Variants in CTNND2 observed in about 807,000 individuals in gnomAD.
CTNND2 encodes catenin delta-2.
CTNND2 carries 22 observed loss-of-function variants against 144.4 expected under a neutral mutation model. The ratio of observed to expected loss-of-function variants is 0.15; its 90% CI spans 0.11 to 0.22. The LOEUF (loss-of-function observed/expected upper bound fraction) is 0.22, where lower values mean the gene tolerates loss of function less well. CTNND2 is among the 10% of genes least tolerant of loss of function. CTNND2 has a pLI of 1.00. For synonymous variants in CTNND2, 751 were observed against 695.6 expected (o/e 1.08, Z -1.25); for missense variants, 1,353 against 1,618.8 (o/e 0.84, Z 2.82).
intron 9 of CTNND2, among the ~76,000 whole-genome samples, chr5:11,250,042 C>A (rs1339559396): frequency 2.0e-5 from 3 of 152,164 alleles, no homozygotes; most frequent in Non-Finnish European, 4.4e-5. Flanking sequence ...TAGGGATTTT[C>A]TTTGATCATA....
intron 10 of CTNND2, among the ~76,000 whole-genome samples, chr5:11,214,815 T>C (rs915790619): frequency 7.2e-5 from 11 of 152,192 alleles, no homozygotes; most frequent in Non-Finnish European, 1.5e-4. Flanking sequence ...TTCTCTTCCA[T>C]CATGCAGGTG....
intron 12 of CTNND2, among the ~76,000 whole-genome samples, chr5:11,128,341 G>C (rs1754891638): frequency 6.6e-6 from 1 of 152,096 alleles, no homozygotes; most frequent in African/African-American, 2.4e-5. Context: ...TAAGGAACAA[G>C]GTTCTGCTAA....
At chr5:11,132,470 C>T (rs1755718770) in intron 12 of CTNND2, among the ~76,000 whole-genome samples, 1 of 152,204 alleles carries the variant, frequency 6.6e-6, no homozygotes, top group Non-Finnish European at 1.5e-5. Context: ...TAAAAGGGGA[C>T]TCCGAGACTC....
chr5:11,189,761 G>T (rs529644652), intron 11 of CTNND2, among the ~76,000 whole-genome samples: 1 of 152,274 alleles, frequency 6.6e-6, no homozygotes, highest in African/African-American at 2.4e-5. Flanking sequence ...TCGTTCAAGG[G>T]TTAACTATAG....
chr5:11,376,322 G>GTGTGTGTGTGTGTGTTCATGTATC (rs1554044775), intron 7 of CTNND2, among the ~76,000 whole-genome samples: 44 of 146,172 alleles, frequency 3.0e-4, no homozygotes, highest in African/African-American at 1.0e-3. Context: ...TTGTGTGTGT[G>GTGTGTGTGTGTGTGTTCATGTATC]TGTGTGTGTG....
chr5:11,336,590 G>A lies in CTNND2; in HGVS notation c.1628+9782C>T, dbSNP rs149555093. On this transcript the variant is annotated intron_variant, in intron 9 of 21. Coordinates refer to ENST00000304623, the MANE Select transcript of CTNND2 (RefSeq NM_001332.4). ...CATTAACAAACATGTGCTTATGCAA[G>A]GTTTGTATATCTTATCTTTGGATAA... 2.1e-3 allele frequency among the ~76,000 whole-genome samples: 324 copies of A among 152,190 alleles called. 9 individuals carry two copies. In the South Asian group the frequency reaches 0.039, roughly 18 times the overall value.
intron 1 of CTNND2, among the ~76,000 whole-genome samples, chr5:11,876,500 A>T (rs1019861333): frequency 2.6e-5 from 4 of 152,224 alleles, no homozygotes; most frequent in African/African-American, 9.6e-5. Context: ...CAATATAATC[A>T]TATTCGCAAC....
intron 9 of CTNND2, among the ~76,000 whole-genome samples, chr5:11,247,265 C>A (rs1008636627): frequency 1.3e-5 from 2 of 152,132 alleles, no homozygotes; most frequent in African/African-American, 4.8e-5. Flanking sequence ...TGTTGAGAAG[C>A]ACGGGCAGTC....
intron 10 of CTNND2, among the ~76,000 whole-genome samples, chr5:11,225,937 G>T (rs928456743): frequency 6.6e-6 from 1 of 152,176 alleles, no homozygotes; most frequent in Non-Finnish European, 1.5e-5. Flanking sequence ...GATACAGAAA[G>T]AAACACGCCT....
Position 11,903,860 on chromosome 5 carries a change from T to A in CTNND2, c.-7A>T. ...GCGGCTTCCTCGCAAACATGCACCCTCCGCCGGCGACAGCTCCTCAGTCCG... is the reference window on the plus strand; with the variant it reads ...GCGGCTTCCTCGCAAACATGCACCCACCGCCGGCGACAGCTCCTCAGTCCG... On this transcript the variant is annotated 5_prime_UTR_variant, in exon 1 of 22. Transcript: ENST00000304623. The surrounding 1 kb of genome is among the most constrained non-coding windows in gnomAD (Gnocchi z 5.4). The A allele has an allele frequency of 4.1e-6, 6 of 1,477,868 alleles. No individual in the cohort carries two copies. Among genetic ancestry groups the A allele is most frequent in the South Asian group, 2.5e-5 (2 of 78,664 alleles). 91.5% of individuals were successfully genotyped at this position (1,477,868 alleles called of 1,614,324 possible).
At chr5:11,816,113 TG>T (rs1038409148) in intron 1 of CTNND2, among the ~76,000 whole-genome samples, 7 of 152,292 alleles carry the variant, frequency 4.6e-5, no homozygotes, top group Non-Finnish European at 1.0e-4. Context: ...CTCATGCACC[TG>T]GGGGCTGCCA....
chr5:11,091,960 A>G (rs766811000), intron 15 of CTNND2, among the ~76,000 whole-genome samples: 1 of 151,890 alleles, frequency 6.6e-6, no homozygotes, highest in Non-Finnish European at 1.5e-5. Flanking sequence ...CCTCTTTGAT[A>G]TTTTGTCCTA....
chr5:11,776,736 G>A (rs1474545305), intron 1 of CTNND2, among the ~76,000 whole-genome samples: 2 of 151,974 alleles, frequency 1.3e-5, no homozygotes, highest in Admixed American at 1.3e-4. Flanking sequence ...ACATCCCCAA[G>A]TTATTCATCT....
At chr5:11,285,587 C>T (rs1268643023) in intron 9 of CTNND2, among the ~76,000 whole-genome samples, 2 of 152,152 alleles carry the variant, frequency 1.3e-5, no homozygotes, top group Non-Finnish European at 2.9e-5. Flanking sequence ...GGATTTTTCC[C>T]ACTTCCCTCC....
chr5:11,053,631 G>C (rs1746067731), intron 16 of CTNND2, among the ~76,000 whole-genome samples: 1 of 152,184 alleles, frequency 6.6e-6, no homozygotes, highest in Admixed American at 6.5e-5. Context: ...AAATGCATTT[G>C]ATCTTCTACT....
At chr5:11,370,594 T>C (rs1036376140) in intron 7 of CTNND2, among the ~76,000 whole-genome samples, 1 of 152,260 alleles carries the variant, frequency 6.6e-6, no homozygotes, top group Non-Finnish European at 1.5e-5. Flanking sequence ...TTGGAATCCA[T>C]TCATATTATT....
intron 2 of CTNND2, among the ~76,000 whole-genome samples, chr5:11,729,879 T>C (rs1167338333): frequency 6.6e-6 from 1 of 152,206 alleles, no homozygotes; most frequent in African/African-American, 2.4e-5. Flanking sequence ...GCTGTCTACC[T>C]GGTAGATTAA....
At chr5:10,996,239 T>C (rs1739332586) in intron 18 of CTNND2, among the ~76,000 whole-genome samples, 2 of 152,134 alleles carry the variant, frequency 1.3e-5, no homozygotes, top group South Asian at 2.1e-4. Context: ...TCACGGAAGC[T>C]AAGCCCAGTA....
At chr5:11,684,525 T>G (rs1784559281) in intron 2 of CTNND2, among the ~76,000 whole-genome samples, 1 of 152,234 alleles carries the variant, frequency 6.6e-6, no homozygotes, top group Non-Finnish European at 1.5e-5. Flanking sequence ...TACACTTTAT[T>G]TTAAATGCAG....
Sources: gnomAD v4.1 joint callset for allele counts (sites outside exome capture counted in the v4.1 genomes callset) on GRCh38, gnomAD v4.1.1 for gene constraint, Gnocchi (gnomAD v3.1) non-coding constraint, MANE v1.5 for transcripts, NCBI Gene and HGNC (gene_info 2026-07-23, HGNC 2026-07-21) for gene names.